The following EPB42 variants were observed in gnomAD, a reference collection of about 807,000 sequenced individuals.
The protein encoded by EPB42 is protein 4.2.
A neutral mutation model predicts 76.9 loss-of-function variants in EPB42; 49 were observed. The observed-to-expected ratio is 0.64, with a 90% CI of 0.51 to 0.81. The LOEUF is 0.81. Ranked by LOEUF, EPB42 falls within the 30% of genes least tolerant of loss-of-function variation. EPB42 has a pLI of 0.00. For missense variants in EPB42, 731 were observed against 867.6 expected (o/e 0.84, Z 1.98); for synonymous variants, 310 against 338.4 (o/e 0.92, Z 0.92).
rs2042198694 is a variant in EPB42 at position 43,206,039 on chromosome 15, G to C, written c.1618+291C>G. On this transcript the variant is annotated intron_variant, in intron 10 of 12. Coordinates refer to ENST00000441366, the MANE Select transcript of EPB42 (RefSeq NM_001114134.2). This position sits in a 1 kb window ranked among gnomAD's most constrained non-coding sequence, Gnocchi z 4.7. ...GGGGGCAGCTTATTCCAGCCTGGGG[G>C]GAGGTGCTCTCCTGCCACTGTACTC... 1 of 344,320 alleles carries C rather than the reference G, an allele frequency of 2.9e-6. No homozygotes were observed. The highest frequency in any genetic ancestry group is 4.3e-5 in the Admixed American group (1 of 23,466). The allele number at this position is 344,320 out of a possible 1,614,324, so 21.3% of individuals were successfully genotyped here.
intron 3 of EPB42, among the ~76,000 whole-genome samples, chr15:43,213,459 A>G (rs3180434): frequency 6.6e-6 from 1 of 152,060 alleles, no homozygotes; most frequent in African/African-American, 2.4e-5. Flanking sequence ...CTCCACCCAC[A>G]CTCAGGCAGA....
intron 6 of EPB42, among the ~76,000 whole-genome samples, chr15:43,208,998 G>C (rs538488958): frequency 2.0e-5 from 3 of 152,356 alleles, no homozygotes; most frequent in African/African-American, 7.2e-5. Context: ...AGGCAACAGA[G>C]CATAGAACAC....
Position 43,206,282 on chromosome 15 carries a change from T to C in EPB42, c.1618+48A>G, listed in dbSNP as rs747588355. 9 of 1,197,918 alleles carry C rather than the reference T, an allele frequency of 7.5e-6. No individual in the cohort carries two copies. The Admixed American group carries it at 1.0e-4, about 13-fold the overall frequency. 74.2% of individuals were successfully genotyped at this position (1,197,918 alleles called of 1,614,324 possible). A position where few individuals can be genotyped will look rare whatever the true frequency, so the allele number is the denominator to read the frequency against. Reference sequence around the variant, plus strand: ...TGCTGCCTGCCCAAGGCAGGGGCCATGTGTGTGTGTGTGTCGGGGGGTGTC... The same window carrying C: ...TGCTGCCTGCCCAAGGCAGGGGCCACGTGTGTGTGTGTGTCGGGGGGTGTC... On this transcript the variant is annotated intron_variant, in intron 10 of 12. Transcript: ENST00000441366. This position sits in a 1 kb window ranked among gnomAD's most constrained non-coding sequence, Gnocchi z 4.7.
Position 43,201,879 on chromosome 15 carries a change from C to T in EPB42, c.1878G>A (p.Leu626=). Residue 626 remains leucine (L), a synonymous_variant, in exon 12 of 13, where the codon CTG becomes CTA. Coordinates refer to ENST00000441366, the MANE Select transcript of EPB42 (RefSeq NM_001114134.2). Reference sequence around the variant, plus strand: ...TCTCTCTGTGAATGAGCCCCCTTCCCAGGATGGAGATCACACAGTCCTCCA... The same window carrying T: ...TCTCTCTGTGAATGAGCCCCCTTCCTAGGATGGAGATCACACAGTCCTCCA... ...APMEDCVISI[L]GRGLIHRERS... 1.2e-6 allele frequency: 2 copies of T among 1,614,210 alleles called. No homozygotes were observed. Among genetic ancestry groups the T allele is most frequent in the Non-Finnish European group, 1.7e-6 (2 of 1,180,024 alleles).
chr15:43,225,476 G>A (rs774868763), upstream of EPB42, among the ~76,000 whole-genome samples: 3 of 152,086 alleles, frequency 2.0e-5, no homozygotes, highest in South Asian at 2.1e-4. Context: ...TCTCTTTCCC[G>A]GTACAGTTCC....
intron 4 of EPB42, among the ~76,000 whole-genome samples, chr15:43,210,750 T>C (rs949537160): frequency 1.3e-5 from 2 of 152,168 alleles, no homozygotes; most frequent in African/African-American, 4.8e-5. Flanking sequence ...CTGCATTCCA[T>C]TTCCATTTAG....
chr15:43,214,508 A>G (rs1381943000), intron 3 of EPB42, among the ~76,000 whole-genome samples: 2 of 152,116 alleles, frequency 1.3e-5, no homozygotes, highest in African/African-American at 4.8e-5. Flanking sequence ...GGAAGTGTAG[A>G]TTTTCTGGGA....
chr15:43,205,224 C>A (rs2042183974), intron 10 of EPB42, among the ~76,000 whole-genome samples: 1 of 152,158 alleles, frequency 6.6e-6, no homozygotes, highest in South Asian at 2.1e-4. Flanking sequence ...ACTCTCCCAA[C>A]TCCACTCCTC....
upstream of EPB42, among the ~76,000 whole-genome samples, chr15:43,223,855 T>C (rs1754015686): frequency 6.6e-6 from 1 of 152,190 alleles, no homozygotes; most frequent in Non-Finnish European, 1.5e-5. Context: ...GTGCCTGTAA[T>C]CTCAGCTACT....
intron 1 of EPB42, among the ~76,000 whole-genome samples, chr15:43,220,433 T>C (rs2042439435): frequency 6.6e-6 from 1 of 152,132 alleles, no homozygotes; most frequent in African/African-American, 2.4e-5. Context: ...ACACTTATGC[T>C]ATGATGACCT....
chr15:43,223,089 G>A (rs141376129), upstream of EPB42, among the ~76,000 whole-genome samples: 7,226 of 152,172 alleles, frequency 0.047, 570 homozygotes, highest in African/African-American at 0.16. Context: ...AGGCCGAGGC[G>A]GGTGGATCAC....
At chr15:43,217,879 C>T (rs541203451) in intron 1 of EPB42, among the ~76,000 whole-genome samples, 1 of 152,276 alleles carries the variant, frequency 6.6e-6, no homozygotes, top group East Asian at 1.9e-4. Context: ...GGATGTTCTA[C>T]TTTTCTTTCA....
intron 10 of EPB42, among the ~76,000 whole-genome samples, chr15:43,204,973 C>CG (rs955272069): frequency 5.5e-5 from 8 of 145,436 alleles, no homozygotes; most frequent in East Asian, 4.1e-4. Flanking sequence ...CGCCCCCCCC[C>CG]CAAAAAAAAG....
chr15:43,211,537 G>C lies in EPB42; in HGVS notation c.431-3C>G. ...ATTCTTCAGGAACACAGCATCCTCTGGTGAGAGGTGGGTAGGGATGAGGGC... is the reference window on the plus strand; with the variant it reads ...ATTCTTCAGGAACACAGCATCCTCTCGTGAGAGGTGGGTAGGGATGAGGGC... On this transcript the variant is annotated splice_polypyrimidine_tract_variant and splice_region_variant and intron_variant, in intron 3 of 12. Transcript: ENST00000441366. 1 of 1,600,152 alleles carries C rather than the reference G, an allele frequency of 6.2e-7. No homozygotes were observed. The highest frequency in any genetic ancestry group is 8.6e-7 in the Non-Finnish European group (1 of 1,167,304).
At chr15:43,219,252 C>T (rs143402839) in intron 1 of EPB42, among the ~76,000 whole-genome samples, 106 of 152,232 alleles carry the variant, frequency 7.0e-4, no homozygotes, top group Middle Eastern at 3.4e-3. Flanking sequence ...GAGACATAAA[C>T]GCCCTCAAGA....
chr15:43,222,239 TTA>T (rs2142336689), upstream of EPB42, among the ~76,000 whole-genome samples: 1 of 152,288 alleles, frequency 6.6e-6, no homozygotes, highest in East Asian at 1.9e-4. Flanking sequence ...CTAACAATGA[TTA>T]TAAAAGGTAA....
rs765514377 is a variant in EPB42 at position 43,215,130 on chromosome 15, C to A, written c.395G>T (p.Gly132Val). Residue 132 changes from glycine to valine, a missense_variant, in exon 3 of 13, where the codon GGT becomes GTT. Gly to Val is a moderately radical substitution (Grantham distance 109, BLOSUM62 -3). Coordinates refer to ENST00000441366, the MANE Select transcript of EPB42 (RefSeq NM_001114134.2). ...GGGGTTAAAAAGCAGTGTGAACTGA[C>A]CCAAGAGGAGTTGCTTCCTGCCTGA... ...QVSGRKQLLL[G>V]QFTLLFNPWN... is the part of the protein sequence containing the mutation. 1 of 1,614,194 alleles carries A rather than the reference C, an allele frequency of 6.2e-7. No individual in the cohort carries two copies. The highest frequency in any genetic ancestry group is 8.5e-7 in the Non-Finnish European group (1 of 1,180,050).
chr15:43,203,223 G>C lies in EPB42; in HGVS notation c.1671C>G (p.Pro557=). 1 of 1,614,142 alleles carries C rather than the reference G, an allele frequency of 6.2e-7. No individual in the cohort carries two copies. Among genetic ancestry groups the C allele is most frequent in the Middle Eastern group, 1.6e-4 (1 of 6,062 alleles). ...CGGTGAGTCTAAGGAAGGTGTTCTC[G>C]GGTGGGTTTCGCTCAAAATTGGAGA... is the stretch of plus-strand genomic sequence containing the variant. ...LFFSNFERNP[P]ENTFLRLTAM... The change falls in exon 11 of 13, where the codon CCC becomes CCG. Residue 557 remains proline (P), a synonymous_variant. Coordinates refer to ENST00000441366, the MANE Select transcript of EPB42 (RefSeq NM_001114134.2).
At chr15:43,209,145 T>G in intron 6 of EPB42, 129 bp downstream of exon 6, 1 of 1,110,208 alleles carries the variant, frequency 9.0e-7, no homozygotes, top group Non-Finnish European at 1.3e-6. Flanking sequence ...GACAACTACT[T>G]CTGTGTGATG....
Sources: gnomAD v4.1 joint callset for allele counts (sites outside exome capture counted in the v4.1 genomes callset) on GRCh38, gnomAD v4.1.1 for gene constraint, Gnocchi (gnomAD v3.1) non-coding constraint, MANE v1.5 for transcripts, NCBI Gene and HGNC (gene_info 2026-07-23, HGNC 2026-07-21) for gene names.